PLCB1: variants seen among roughly 807,000 people sequenced by gnomAD.
The protein encoded by PLCB1 is phospholipase C beta 1.
In PLCB1, 46 loss-of-function variants were observed where a neutral mutation model predicts 161.8. That is an observed-to-expected ratio of 0.28 (90% CI 0.22 to 0.36). PLCB1 has a LOEUF of 0.36. PLCB1 is among the 10% of genes least tolerant of loss of function. The probability of loss-of-function intolerance (pLI) is 1.00; values close to 1 mark genes in which losing one functional copy is unlikely to be tolerated. For synonymous variants in PLCB1, 517 were observed against 503.7 expected, an observed-to-expected ratio of 1.03 and a Z score of -0.35; for missense variants, 1,016 against 1,472.5, an observed-to-expected ratio of 0.69 and a Z score of 5.07.
At chr20:8,351,411 T>G (rs955862492) in intron 2 of PLCB1, among the ~76,000 whole-genome samples, 1 of 152,094 alleles carries the variant, frequency 6.6e-6, no homozygotes, top group Admixed American at 6.6e-5. Context: ...GAATAAATTT[T>G]GTACAATCTT....
At chr20:8,463,321 C>T (rs1316741646) in intron 3 of PLCB1, among the ~76,000 whole-genome samples, 1 of 151,974 alleles carries the variant, frequency 6.6e-6, no homozygotes, top group East Asian at 1.9e-4. Context: ...TCTGTGTACC[C>T]TTCCCTTATC....
intron 31 of PLCB1, among the ~76,000 whole-genome samples, chr20:8,816,728 G>A (rs1007745758): frequency 9.2e-5 from 14 of 152,096 alleles, no homozygotes; most frequent in Non-Finnish European, 1.6e-4. Flanking sequence ...GTGGCCAAAG[G>A]GTGCTTTGCA....
At chr20:8,786,481 C>T (rs930125113) in intron 27 of PLCB1, among the ~76,000 whole-genome samples, 6 of 152,096 alleles carry the variant, frequency 3.9e-5, no homozygotes, top group Middle Eastern at 3.2e-3. Context: ...TAATTTTAAA[C>T]GAATGTGGAT....
chr20:8,664,089 T>C (rs188157619), intron 9 of PLCB1, among the ~76,000 whole-genome samples: 184 of 152,268 alleles, frequency 1.2e-3, no homozygotes, highest in African/African-American at 4.2e-3. Context: ...TTTTTCATGC[T>C]TTTATTCTGT....
At chr20:8,165,847 C>T (rs2051669764) in intron 2 of PLCB1, among the ~76,000 whole-genome samples, 1 of 152,126 alleles carries the variant, frequency 6.6e-6, no homozygotes, top group South Asian at 2.1e-4. Flanking sequence ...TGACCTCTGC[C>T]TCCTGGAGAA....
At chr20:8,394,905 C>T (rs1002543845) in intron 3 of PLCB1, among the ~76,000 whole-genome samples, 22 of 152,094 alleles carry the variant, frequency 1.4e-4, no homozygotes, top group African/African-American at 5.1e-4. Context: ...ACTCATATTT[C>T]AAAAATAGTA....
chr20:8,195,084 T>A (rs1374455278), intron 2 of PLCB1, among the ~76,000 whole-genome samples: 1 of 152,096 alleles, frequency 6.6e-6, no homozygotes, highest in Non-Finnish European at 1.5e-5. Context: ...CCTCTTTCCC[T>A]GCTTTAAGTA....
At chr20:8,777,900 C>T (rs1475623912) in intron 27 of PLCB1, among the ~76,000 whole-genome samples, 1 of 152,060 alleles carries the variant, frequency 6.6e-6, no homozygotes, top group African/African-American at 2.4e-5. Flanking sequence ...TGGCAGCAGG[C>T]ACAGAAAGAG....
intron 3 of PLCB1, among the ~76,000 whole-genome samples, chr20:8,535,105 TAAAAAAAAAAA>T (rs10560220): frequency 9.2e-6 from 1 of 108,318 alleles, no homozygotes; most frequent in Admixed American, 1.0e-4. Context: ...AGTTTTAAAG[TAAAAAAAAAAA>T]AAAAAAAAAG....
At chr20:8,640,298 A>G (rs1030836295) in intron 4 of PLCB1, among the ~76,000 whole-genome samples, 74 of 152,240 alleles carry the variant, frequency 4.9e-4, no homozygotes, top group African/African-American at 1.6e-3. Flanking sequence ...TTAATGCCCA[A>G]GAATTGCGAT....
chr20:8,192,018 T>G (rs1455449230), intron 2 of PLCB1, among the ~76,000 whole-genome samples: 2 of 152,042 alleles, frequency 1.3e-5, no homozygotes, highest in African/African-American at 2.4e-5. Flanking sequence ...TAATTCAGTA[T>G]AAATATAGTT....
chr20:8,410,789 A>G (rs940011112), intron 3 of PLCB1, among the ~76,000 whole-genome samples: 1 of 152,210 alleles, frequency 6.6e-6, no homozygotes, highest in East Asian at 1.9e-4. Flanking sequence ...GGAAAAGATC[A>G]TCCTGAATTA....
At chr20:8,313,259 T>G (rs1984489214) in intron 2 of PLCB1, among the ~76,000 whole-genome samples, 1 of 152,184 alleles carries the variant, frequency 6.6e-6, no homozygotes, top group Non-Finnish European at 1.5e-5. Context: ...CAACATAGAC[T>G]GGGCTCAGCT....
chr20:8,374,445 C>T (rs576217494), intron 3 of PLCB1, among the ~76,000 whole-genome samples: 14 of 152,232 alleles, frequency 9.2e-5, no homozygotes, highest in African/African-American at 2.9e-4. Flanking sequence ...GGACTATTAC[C>T]GGGTCCTTTT....
intron 2 of PLCB1, among the ~76,000 whole-genome samples, chr20:8,310,903 A>AT (rs1447145174): frequency 1.3e-5 from 2 of 151,986 alleles, no homozygotes. Context: ...ATGATTTGTT[A>AT]TTTTTTGTGG....
chr20:8,310,063 A>G (rs151281526), intron 2 of PLCB1, among the ~76,000 whole-genome samples: 1 of 151,882 alleles, frequency 6.6e-6, no homozygotes, highest in African/African-American at 2.4e-5. Flanking sequence ...AGTTTCAAAC[A>G]TTTCAGTGAT....
chr20:8,384,910 T>C (rs1389248761), intron 3 of PLCB1, among the ~76,000 whole-genome samples: 1 of 152,184 alleles, frequency 6.6e-6, no homozygotes, highest in Non-Finnish European at 1.5e-5. Flanking sequence ...CTCCTTCTTC[T>C]GGCATCTCTG....
intron 9 of PLCB1, among the ~76,000 whole-genome samples, chr20:8,670,227 C>G (rs1989909686): frequency 6.6e-6 from 1 of 152,208 alleles, no homozygotes; most frequent in Non-Finnish European, 1.5e-5. Flanking sequence ...CTTGGGACAA[C>G]TTTGCTTATC....
At chr20:8,569,083 C>T (rs1986427034) in intron 3 of PLCB1, among the ~76,000 whole-genome samples, 1 of 152,180 alleles carries the variant, frequency 6.6e-6, no homozygotes. Context: ...AGGGAGCTCT[C>T]CCTTGAAATG....
Sources: allele counts gnomAD v4.1 joint callset (sites outside exome capture counted in the v4.1 genomes callset), GRCh38; gene constraint gnomAD v4.1.1; transcripts MANE v1.5; gene names NCBI Gene and HGNC (gene_info 2026-07-23, HGNC 2026-07-21).